AKAP19: variants seen among roughly 807,000 people sequenced by gnomAD.
AKAP19 encodes the protein A-kinase anchoring protein 19.
chr2:189,992,046 A>G, the AKAP19 span, among the ~76,000 whole-genome samples: 1 of 111,112 alleles, frequency 9.0e-6, no homozygotes, highest in African/African-American at 3.6e-5. Flanking sequence ...CACCTATTAA[A>G]TAGATTTTTT....
At chr2:190,020,081 T>C in the AKAP19 span, among the ~76,000 whole-genome samples, 5 of 152,270 alleles carry the variant, frequency 3.3e-5, no homozygotes, top group East Asian at 9.6e-4. Flanking sequence ...CTGAATTAAT[T>C]TGGGTTTTGG....
chr2:190,158,541 TAAAC>T, the AKAP19 span, among the ~76,000 whole-genome samples: 1 of 152,250 alleles, frequency 6.6e-6, no homozygotes, highest in East Asian at 1.9e-4. Context: ...AATTTTGCCA[TAAAC>T]AAGCTGTACT....
chr2:190,109,691 A>C, the AKAP19 span, among the ~76,000 whole-genome samples: 4 of 152,142 alleles, frequency 2.6e-5, no homozygotes, highest in African/African-American at 7.2e-5. Flanking sequence ...CTTGGTCGCT[A>C]TTGCCTATCT....
the AKAP19 span, among the ~76,000 whole-genome samples, chr2:190,138,804 C>T: frequency 3.3e-5 from 5 of 152,274 alleles, no homozygotes; most frequent in East Asian, 9.7e-4. Flanking sequence ...CTCCCTATAC[C>T]ACTTCCAGGC....
At chr2:190,093,997 C>T in the AKAP19 span, among the ~76,000 whole-genome samples, 2 of 152,204 alleles carry the variant, frequency 1.3e-5, no homozygotes, top group Non-Finnish European at 2.9e-5. Flanking sequence ...ACGAAAGCAG[C>T]AGCTCTTTTA....
chr2:189,998,924 A>T, the AKAP19 span, among the ~76,000 whole-genome samples: 3 of 151,330 alleles, frequency 2.0e-5, no homozygotes, highest in Admixed American at 6.6e-5. Flanking sequence ...GGTGCCTACC[A>T]CCATGCCTGG....
the AKAP19 span, among the ~76,000 whole-genome samples, chr2:190,192,325 T>C: frequency 6.6e-6 from 1 of 152,104 alleles, no homozygotes; most frequent in Non-Finnish European, 1.5e-5. Flanking sequence ...CTTTTGTCAA[T>C]ATAGCACTAA....
chr2:190,063,586 T>C, the AKAP19 span, among the ~76,000 whole-genome samples: 1 of 152,134 alleles, frequency 6.6e-6, no homozygotes, highest in Non-Finnish European at 1.5e-5. Flanking sequence ...GCAGTAAATA[T>C]CCAGAGAGTA....
the AKAP19 span, among the ~76,000 whole-genome samples, chr2:189,934,730 T>C: frequency 6.6e-6 from 1 of 151,430 alleles, no homozygotes; most frequent in Admixed American, 6.6e-5. Context: ...AAATAATATA[T>C]AGATCATTTA....
At chr2:189,894,682 T>A in the AKAP19 span, among the ~76,000 whole-genome samples, 1 of 151,010 alleles carries the variant, frequency 6.6e-6, no homozygotes, top group South Asian at 2.1e-4. Flanking sequence ...TACTACATTA[T>A]TATATAGTAT....
At chr2:189,906,101 T>A in the AKAP19 span, among the ~76,000 whole-genome samples, 397 of 152,164 alleles carry the variant, frequency 2.6e-3, no homozygotes, top group Non-Finnish European at 4.6e-3. Flanking sequence ...CTATGCTGAG[T>A]AGCCTCCTAC....
the AKAP19 span, among the ~76,000 whole-genome samples, chr2:190,105,269 A>T: frequency 1.6e-4 from 25 of 152,240 alleles, no homozygotes; most frequent in East Asian, 4.8e-3. Context: ...GAAAAATGTG[A>T]TATATATATC....
chr2:190,161,004 T>C, the AKAP19 span, among the ~76,000 whole-genome samples: 3 of 152,186 alleles, frequency 2.0e-5, no homozygotes, highest in African/African-American at 7.2e-5. Context: ...CCTTGATTTA[T>C]AGATAAGCAA....
At chr2:190,038,412 C>T in the AKAP19 span, among the ~76,000 whole-genome samples, 1 of 151,748 alleles carries the variant, frequency 6.6e-6, no homozygotes, top group Non-Finnish European at 1.5e-5. Context: ...TAGGCATTCT[C>T]ATCATTGCTA....
At chr2:190,185,336 G>A in the AKAP19 span, among the ~76,000 whole-genome samples, 1 of 152,184 alleles carries the variant, frequency 6.6e-6, no homozygotes, top group Admixed American at 6.5e-5. Context: ...GGCATAAATA[G>A]AACAGATTTA....
the AKAP19 span, among the ~76,000 whole-genome samples, chr2:190,040,228 T>C: frequency 6.6e-6 from 1 of 152,216 alleles, no homozygotes; most frequent in Non-Finnish European, 1.5e-5. Flanking sequence ...TGGTGTGAAA[T>C]GGTATCTCAC....
chr2:190,116,880 A>G, the AKAP19 span, among the ~76,000 whole-genome samples: 6 of 152,324 alleles, frequency 3.9e-5, no homozygotes, highest in Non-Finnish European at 8.8e-5. Flanking sequence ...ACCCTACTCT[A>G]CTAAATGAAT....
the AKAP19 span, among the ~76,000 whole-genome samples, chr2:190,118,440 C>T: frequency 6.6e-6 from 1 of 152,176 alleles, no homozygotes; most frequent in South Asian, 2.1e-4. Flanking sequence ...ACCAATATCC[C>T]TGATGAACAT....
At chr2:190,093,169 T>G in the AKAP19 span, among the ~76,000 whole-genome samples, 19 of 151,924 alleles carry the variant, frequency 1.3e-4, no homozygotes, top group African/African-American at 4.6e-4. Context: ...ACGCCTATAA[T>G]CCCAGCACTT....
Sources: gnomAD v4.1 joint callset for allele counts (sites outside exome capture counted in the v4.1 genomes callset) on GRCh38, gnomAD v4.1.1 for gene constraint, MANE v1.5 for transcripts, NCBI Gene and HGNC (gene_info 2026-07-23, HGNC 2026-07-21) for gene names.